FNDC3A: variants seen among roughly 807,000 people sequenced by gnomAD.
The protein encoded by FNDC3A is fibronectin type-III domain-containing protein 3A.
FNDC3A carries 32 observed loss-of-function variants against 148.9 expected under a neutral mutation model. The observed-to-expected ratio is 0.21, with a 90% CI of 0.16 to 0.29. FNDC3A has a LOEUF of 0.29. FNDC3A is among the 10% of genes least tolerant of loss of function. The probability of loss-of-function intolerance (pLI) is 1.00; values close to 1 mark genes in which losing one functional copy is unlikely to be tolerated. For synonymous variants in FNDC3A, 472 were observed against 473.6 expected (o/e 1.00, Z 0.04); for missense variants, 1,191 against 1,452.8 (o/e 0.82, Z 2.93).
intron 4 of FNDC3A, among the ~76,000 whole-genome samples, chr13:49,126,237 T>TC (rs1353746644): frequency 6.6e-6 from 1 of 152,010 alleles, no homozygotes; most frequent in African/African-American, 2.4e-5. Flanking sequence ...TTTCCCCTCT[T>TC]CTGTCTACAT....
chr13:49,163,052 T>A (rs1009302390), intron 8 of FNDC3A, among the ~76,000 whole-genome samples: 1 of 152,208 alleles, frequency 6.6e-6, no homozygotes, highest in African/African-American at 2.4e-5. Flanking sequence ...CAGCCCCTAC[T>A]GGGAGGTGTC....
Position 49,070,895 on chromosome 13 carries a change from T to TG in FNDC3A, c.100-4394_100-4393insG, listed in dbSNP as rs749605163. 4.5e-4 allele frequency among the ~76,000 whole-genome samples: 63 copies of TG among 138,788 alleles called. No homozygotes were observed. In the South Asian group the frequency reaches 7.2e-3, roughly 16 times the overall value. The allele number at this position is 138,788 out of a possible 152,430, so 91.1% of individuals were successfully genotyped here. ...TAACAGGATTTCTTTTTTTTTTTTGTTTTGTTTTTTTTCTTTTTTTTGAGA... is the reference window on the plus strand; with the variant it reads ...TAACAGGATTTCTTTTTTTTTTTTGTGTTTGTTTTTTTTCTTTTTTTTGAGA... On this transcript the variant is annotated intron_variant, in intron 2 of 25. Coordinates refer to ENST00000492622, the MANE Select transcript of FNDC3A (RefSeq NM_001079673.2).
At chr13:49,201,747 A>G in intron 23 of FNDC3A, 53 bp from the exon 24 acceptor site, 1 of 876,682 alleles carries the variant, frequency 1.1e-6, no homozygotes, top group Non-Finnish European at 1.6e-6. Context: ...AAACACTTTA[A>G]TAAGGTATCA....
chr13:49,169,369 A>G (rs920193768), intron 10 of FNDC3A, among the ~76,000 whole-genome samples: 3 of 152,198 alleles, frequency 2.0e-5, no homozygotes, highest in Non-Finnish European at 2.9e-5. Context: ...GCATTTTGGA[A>G]AACTTGGTGT....
chr13:49,180,211 G>A (rs1885234281), intron 14 of FNDC3A, among the ~76,000 whole-genome samples: 1 of 152,062 alleles, frequency 6.6e-6, no homozygotes, highest in Non-Finnish European at 1.5e-5. Context: ...TTGCTCATTA[G>A]TTGATAAATT....
intron 3 of FNDC3A, among the ~76,000 whole-genome samples, chr13:49,113,963 A>T (rs1040974480): frequency 6.6e-6 from 1 of 152,204 alleles, no homozygotes; most frequent in Non-Finnish European, 1.5e-5. Context: ...ATAAAAGTGA[A>T]AGGAAGTGTA....
At chr13:49,090,276 G>T (rs1266307115) in intron 3 of FNDC3A, among the ~76,000 whole-genome samples, 3 of 152,162 alleles carry the variant, frequency 2.0e-5, no homozygotes, top group Admixed American at 2.0e-4. Flanking sequence ...ACAAAAATTA[G>T]CTGGGCATGG....
At position 49,131,809 on chromosome 13, in the gene FNDC3A, G is replaced by GAAAGTAAATAAAT. The variant is rs1192467376; in HGVS notation, c.490+440_490+441insAAATAAATAAAGT. Among the ~76,000 whole-genome samples, 11 of 152,304 alleles carry GAAAGTAAATAAAT rather than the reference G, an allele frequency of 7.2e-5. No homozygotes were observed. In the South Asian group the frequency reaches 2.1e-3, roughly 29 times the overall value. ...CCCTCAGGGAGTTAATAAATTTGGG[G>GAAAGTAAATAAAT]AAAGTTAATAAATAAAGTTAATAAA... On this transcript the variant is annotated intron_variant, in intron 5 of 25. Coordinates refer to ENST00000492622, the MANE Select transcript of FNDC3A (RefSeq NM_001079673.2).
chr13:49,144,617 G>C (rs1446570445), intron 7 of FNDC3A, among the ~76,000 whole-genome samples: 1 of 152,028 alleles, frequency 6.6e-6, no homozygotes, highest in East Asian at 1.9e-4. Context: ...CTAATCTCTA[G>C]ATTTTTTTCG....
At chr13:48,986,857 TAAAG>T (rs946587534) in intron 1 of FNDC3A, among the ~76,000 whole-genome samples, 43 of 152,130 alleles carry the variant, frequency 2.8e-4, no homozygotes, top group African/African-American at 9.4e-4. Flanking sequence ...TTATAGGAAA[TAAAG>T]AAATGTTACT....
intron 3 of FNDC3A, among the ~76,000 whole-genome samples, chr13:49,113,606 T>C (rs1341266903): frequency 6.6e-6 from 1 of 152,188 alleles, no homozygotes; most frequent in African/African-American, 2.4e-5. Flanking sequence ...CATTATATAA[T>C]GGTAGATTAT....
intron 2 of FNDC3A, among the ~76,000 whole-genome samples, chr13:49,027,228 G>A (rs9526518): frequency 0.61 from 93,220 of 151,908 alleles, 29,389 homozygotes; most frequent in Non-Finnish European, 0.68. Context: ...AAGAAAGGAC[G>A]TTGAGTTTAA....
intron 3 of FNDC3A, among the ~76,000 whole-genome samples, chr13:49,100,813 C>A (rs913668826): frequency 3.3e-5 from 5 of 152,116 alleles, no homozygotes; most frequent in Admixed American, 2.6e-4. Context: ...TCTGTATTGA[C>A]CATTTTCTGG....
intron 12 of FNDC3A, among the ~76,000 whole-genome samples, chr13:49,175,054 A>G (rs1176255929): frequency 1.3e-5 from 2 of 152,210 alleles, no homozygotes; most frequent in African/African-American, 2.4e-5. Context: ...TGTGTTTAAA[A>G]GTTACAACAT....
chr13:49,187,733 A>G (rs1374801703), intron 16 of FNDC3A: 1 of 1,097,206 alleles, frequency 9.1e-7, no homozygotes, highest in Non-Finnish European at 1.3e-6. Flanking sequence ...GCGGCACCTC[A>G]CCAAGACCTT....
rs190371637 is a variant in FNDC3A, at chr13:49,200,227, A to G, written c.2988-1573A>G. ...TTGTATCTTAGCCAGGTATTCAACAATGAAATATTCATGGTGCTTGTACAT... is the reference window on the plus strand; with the variant it reads ...TTGTATCTTAGCCAGGTATTCAACAGTGAAATATTCATGGTGCTTGTACAT... On this transcript the variant is annotated intron_variant, in intron 23 of 25. Transcript: ENST00000492622. 2.0e-5 allele frequency among the ~76,000 whole-genome samples: 3 copies of G among 152,332 alleles called. No individual in the cohort carries two copies. In the East Asian group the frequency reaches 5.8e-4, roughly 29 times the overall value.
At chr13:49,031,925 T>C (rs1017082881) in intron 2 of FNDC3A, among the ~76,000 whole-genome samples, 1 of 152,168 alleles carries the variant, frequency 6.6e-6, no homozygotes, top group Non-Finnish European at 1.5e-5. Context: ...GTATTCAGAA[T>C]GTGTGAAGAA....
chr13:49,135,707 A>G (rs952602234), intron 5 of FNDC3A, among the ~76,000 whole-genome samples: 2 of 152,196 alleles, frequency 1.3e-5, no homozygotes, highest in Non-Finnish European at 2.9e-5. Flanking sequence ...TTGAATTAAT[A>G]TTTATTGAGC....
intron 12 of FNDC3A, among the ~76,000 whole-genome samples, chr13:49,174,808 AAG>A (rs1359730296): frequency 6.6e-6 from 1 of 151,830 alleles, no homozygotes; most frequent in Non-Finnish European, 1.5e-5. Flanking sequence ...ATATGTGACA[AAG>A]AGATTTTTCT....
Sources: allele counts gnomAD v4.1 joint callset (sites outside exome capture counted in the v4.1 genomes callset), GRCh38; gene constraint gnomAD v4.1.1; transcripts MANE v1.5; gene names NCBI Gene and HGNC (gene_info 2026-07-23, HGNC 2026-07-21).